SLA2: variants seen among roughly 807,000 people sequenced by gnomAD.
SLA2 encodes the protein Src like adaptor 2, also known as src-like-adapter 2.
SLA2 carries 22 observed loss-of-function variants against 27.3 expected under a neutral mutation model. That is an observed-to-expected ratio of 0.81 (90% CI 0.58 to 1.15). The LOEUF (loss-of-function observed/expected upper bound fraction) is 1.15. Ranked by LOEUF, SLA2 falls within the 50% of genes most tolerant of loss-of-function variation. SLA2 has a pLI of 0.00. For missense variants in SLA2, 304 were observed against 322.2 expected (o/e 0.94, Z 0.43); for synonymous variants, 131 against 137.8 (o/e 0.95, Z 0.34).
At chr20:36,617,296 G>A (rs2039224463) in intron 5 of SLA2, among the ~76,000 whole-genome samples, 1 of 149,088 alleles carries the variant, frequency 6.7e-6, no homozygotes, top group Non-Finnish European at 1.5e-5. Flanking sequence ...GAACGCAGGA[G>A]ACAGGTTGCA....
chr20:36,641,173 G>C (rs1217187176), intron 2 of SLA2, 72 bp downstream of exon 2: 1 of 1,289,862 alleles, frequency 7.8e-7, no homozygotes, highest in East Asian at 2.3e-5. Context: ...TGCTGGCCAG[G>C]AAGGCCCACA....
rs189102362 is a variant in SLA2, at chr20:36,641,247, G to T, written c.89C>A (p.Ala30Glu). 2.5e-6 allele frequency: 4 copies of T among 1,613,616 alleles called. No individual in the cohort carries two copies. The African/African-American group carries it at 5.3e-5, about 22-fold the overall frequency. The change falls in exon 2 of 8, where the codon GCA (alanine) becomes GAA (glutamate). Residue 30 changes from alanine to glutamate, a missense_variant and splice_region_variant. Transcript: ENST00000262866. ...CTGTCACAGGCCCTGAGGCCTACCT[G>T]CTTCCATGGTCACAGGTCCCTGGCC... ...VQGQGPVTMEAERSKATAVAL... is the reference protein window; with the variant it reads ...VQGQGPVTMEEERSKATAVAL...
At chr20:36,635,453 A>C (rs554428999) in intron 2 of SLA2, among the ~76,000 whole-genome samples, 52 of 151,018 alleles carry the variant, frequency 3.4e-4, no homozygotes, top group Admixed American at 7.3e-4. Context: ...GGGCAGGGGA[A>C]GCAGACGAGC....
intron 5 of SLA2, among the ~76,000 whole-genome samples, chr20:36,623,026 T>C (rs960748408): frequency 7.9e-5 from 12 of 152,118 alleles, no homozygotes; most frequent in Non-Finnish European, 1.3e-4. Context: ...CCCAACACTT[T>C]GGGAGGCCGA....
chr20:36,627,516 G>A (rs1028514173), intron 5 of SLA2, among the ~76,000 whole-genome samples: 1 of 152,246 alleles, frequency 6.6e-6, no homozygotes, highest in African/African-American at 2.4e-5. Flanking sequence ...TGCTCAGTAA[G>A]TGTTTCCCAA....
At chr20:36,622,343 G>A (rs1324718447) in intron 5 of SLA2, among the ~76,000 whole-genome samples, 20 of 146,138 alleles carry the variant, frequency 1.4e-4, no homozygotes, top group African/African-American at 4.4e-4. Flanking sequence ...GCAACAGAGC[G>A]AGACTCCATC....
chr20:36,618,146 CAAA>C (rs1222101095), intron 5 of SLA2, among the ~76,000 whole-genome samples: 4 of 64,620 alleles, frequency 6.2e-5, no homozygotes, highest in African/African-American at 5.4e-5. Flanking sequence ...GACTCCGTCT[CAAA>C]AAAAAAAAAA....
chr20:36,624,849 TTGAC>T (rs1271441195), intron 5 of SLA2, among the ~76,000 whole-genome samples: 1 of 152,172 alleles, frequency 6.6e-6, no homozygotes. Context: ...ACAGGTCCAG[TTGAC>T]TGACAGGGGA....
chr20:36,612,849 G>GTGT lies in SLA2; in HGVS notation c.*1014_*1016dup, dbSNP rs11474169. The GTGT allele has an allele frequency of 0.025, 3,845 of 155,276 alleles. 166 individuals are homozygous for GTGT. Among genetic ancestry groups the GTGT allele is most frequent in the African/African-American group, 0.087 (3,628 of 41,542 alleles). 9.6% of individuals were successfully genotyped at this position (155,276 alleles called of 1,614,324 possible). A position where few individuals can be genotyped will look rare whatever the true frequency, so the allele number is the denominator to read the frequency against. On this transcript the variant is annotated 3_prime_UTR_variant, in exon 8 of 8. Transcript: ENST00000262866. ...CACTGCAGTGTGCTAGACTTAAGAG[G>GTGT]TGTTATTTTTTATTCGGCCACAAGA... is the stretch of plus-strand genomic sequence containing the variant.
intron 3 of SLA2, among the ~76,000 whole-genome samples, chr20:36,633,884 C>A (rs577330163): frequency 6.6e-6 from 1 of 151,502 alleles, no homozygotes; most frequent in East Asian, 2.0e-4. Context: ...GGTGTCCAGC[C>A]GCCTGAAATT....
In SLA2 at chr20:36,641,275, G is replaced by T; in HGVS notation, c.61C>A (p.Gln21Lys). The T allele has an allele frequency of 6.2e-7, 1 of 1,614,064 alleles. No individual in the cohort carries two copies. Among genetic ancestry groups the T allele is most frequent in the Non-Finnish European group, 8.5e-7 (1 of 1,179,958 alleles). Reference sequence around the variant, plus strand: ...TCCATGGTCACAGGTCCCTGGCCTTGGACAGAGGAACTCAAGCTTGGGCTT... The same window carrying T: ...TCCATGGTCACAGGTCCCTGGCCTTTGACAGAGGAACTCAAGCTTGGGCTT... ...LPSPSLSSSV[Q>K]GQGPVTMEAE... Residue 21 changes from glutamine (Q) to lysine (K), a missense_variant, in exon 2 of 8, where the codon CAA (glutamine) becomes AAA (lysine). Transcript: ENST00000262866.
Position 36,613,881 on chromosome 20 carries a change from A to C in SLA2, c.771T>G (p.Ser257=). Residue 257 remains serine, a synonymous_variant, in exon 8 of 8, where the codon TCT becomes TCG. Transcript: ENST00000262866. The part of the protein sequence containing the change: ...FYISLNDEAV[S]LDDA ...TCCTTTGGGCCTAGGCATCATCCAA[A>C]GAGACAGCCTCGTCATTCAGGCTGA... 1 of 1,613,862 alleles carries C rather than the reference A, an allele frequency of 6.2e-7. No individual in the cohort carries two copies. Among genetic ancestry groups the C allele is most frequent in the Non-Finnish European group, 8.5e-7 (1 of 1,179,880 alleles).
chr20:36,621,331 G>A (rs1264926063), intron 5 of SLA2: 1 of 615,930 alleles, frequency 1.6e-6, no homozygotes, highest in Non-Finnish European at 3.1e-6. Context: ...TATGAAAGGA[G>A]GCAGTTTTGG....
rs6028441 is a variant in SLA2 at position 36,633,146 on chromosome 20, A to G, written c.278+397T>C. Among the ~76,000 whole-genome samples the G allele has an allele frequency of 1.0e-3, 158 of 152,022 alleles. 2 individuals carry two copies. The highest frequency in any genetic ancestry group is 3.6e-3 in the African/African-American group (149 of 41,472). ...GAGTGCAGTGGCGCAATCACGGCTC[A>G]CTGCAGCCTTGACCTTCCAGGCTCA... On this transcript the variant is annotated intron_variant, in intron 4 of 7. Coordinates refer to ENST00000262866, the MANE Select transcript of SLA2 (RefSeq NM_032214.4).
intron 4 of SLA2, 116 bp from the exon 5 acceptor site, chr20:36,632,814 G>A (rs1005194532): frequency 1.3e-6 from 1 of 759,152 alleles, no homozygotes; most frequent in African/African-American, 1.7e-5. Flanking sequence ...CTGGGCCTCA[G>A]AGTTCTATCT....
At chr20:36,643,997 G>A (rs1026257376) in intron 1 of SLA2, among the ~76,000 whole-genome samples, 2 of 151,912 alleles carry the variant, frequency 1.3e-5, no homozygotes, top group African/African-American at 2.4e-5. Context: ...TGCTCCCTCC[G>A]TATGGGGAGT....
intron 5 of SLA2, among the ~76,000 whole-genome samples, chr20:36,624,569 A>G (rs1005975637): frequency 1.3e-5 from 2 of 152,198 alleles, no homozygotes; most frequent in Non-Finnish European, 2.9e-5. Context: ...AAGTCAGCAC[A>G]CAGTATCTAT....
intron 7 of SLA2, 88 bp from the exon 8 acceptor site, chr20:36,614,074 C>T (rs1482086736): frequency 1.9e-6 from 3 of 1,564,344 alleles, no homozygotes; most frequent in Non-Finnish European, 8.7e-7. Flanking sequence ...TCTCAAAACC[C>T]TTCACTCCTG....
chr20:36,643,874 C>A (rs1978285586), intron 1 of SLA2, among the ~76,000 whole-genome samples: 1 of 152,130 alleles, frequency 6.6e-6, no homozygotes, highest in African/African-American at 2.4e-5. Flanking sequence ...ATCACTTGAA[C>A]CTGGGAGGCA....
Sources: gnomAD v4.1 joint callset for allele counts (sites outside exome capture counted in the v4.1 genomes callset) on GRCh38, gnomAD v4.1.1 for gene constraint, MANE v1.5 for transcripts, NCBI Gene and HGNC (gene_info 2026-07-23, HGNC 2026-07-21) for gene names.